Variants in GABRB1 observed in about 807,000 individuals in gnomAD.
GABRB1 encodes the protein gamma-aminobutyric acid type A receptor subunit beta1.
A neutral mutation model predicts 51.6 loss-of-function variants in GABRB1; 17 were observed. That is an observed-to-expected ratio of 0.33 (90% CI 0.23 to 0.49). The LOEUF (loss-of-function observed/expected upper bound fraction) is 0.49, where lower values mean the gene tolerates loss of function less well. Ranked by LOEUF, GABRB1 falls within the 20% of genes least tolerant of loss-of-function variation. The probability of loss-of-function intolerance (pLI) is 0.99; values close to 1 mark genes in which losing one functional copy is unlikely to be tolerated. For missense variants in GABRB1, 410 were observed against 600.6 expected (o/e 0.68, Z 3.32); for synonymous variants, 247 against 218.9 (o/e 1.13, Z -1.14).
At chr4:47,259,186 C>T (rs1212690946) in intron 4 of GABRB1, among the ~76,000 whole-genome samples, 1 of 152,068 alleles carries the variant, frequency 6.6e-6, no homozygotes, top group Non-Finnish European at 1.5e-5. Flanking sequence ...AATTCACTTT[C>T]AGCCACAAAC....
At chr4:47,311,733 G>A (rs1220197667) in intron 4 of GABRB1, among the ~76,000 whole-genome samples, 1 of 152,188 alleles carries the variant, frequency 6.6e-6, no homozygotes, top group Non-Finnish European at 1.5e-5. Flanking sequence ...ACAGTAGCAA[G>A]AGGAAACTAA....
intron 7 of GABRB1, 134 bp from the exon 8 acceptor site, chr4:47,406,544 TGCCC>T: frequency 1.0e-6 from 1 of 976,528 alleles, no homozygotes; most frequent in Admixed American, 2.3e-5. Context: ...CTGCCCTTTT[TGCCC>T]AATGGTTTAT....
At chr4:47,160,120 T>C (rs1717873910) in intron 3 of GABRB1, among the ~76,000 whole-genome samples, 1 of 152,122 alleles carries the variant, frequency 6.6e-6, no homozygotes, top group Non-Finnish European at 1.5e-5. Flanking sequence ...TTCCAGCAAC[T>C]TGAGCCATTT....
chr4:47,063,969 A>C (rs1299931146), intron 3 of GABRB1, among the ~76,000 whole-genome samples: 2 of 152,196 alleles, frequency 1.3e-5, no homozygotes, highest in African/African-American at 4.8e-5. Flanking sequence ...TGTGAGGTGC[A>C]GCAAACCACC....
At chr4:47,172,655 T>C (rs1718488946) in intron 4 of GABRB1, among the ~76,000 whole-genome samples, 1 of 145,078 alleles carries the variant, frequency 6.9e-6, no homozygotes, top group Non-Finnish European at 1.5e-5. Context: ...TTTTTTTTTT[T>C]TTTTGAGATG....
chr4:47,243,703 T>G (rs941884705), intron 4 of GABRB1, among the ~76,000 whole-genome samples: 3 of 152,244 alleles, frequency 2.0e-5, no homozygotes, highest in South Asian at 4.1e-4. Context: ...TTGGTGTAGA[T>G]GAATGCTTGT....
chr4:47,404,948 G>T (rs1479201186), intron 7 of GABRB1, among the ~76,000 whole-genome samples: 1 of 152,126 alleles, frequency 6.6e-6, no homozygotes, highest in Non-Finnish European at 1.5e-5. Context: ...AGTATATAAA[G>T]GTGCTTGTTT....
At chr4:47,164,943 G>C (rs1329965776) in intron 4 of GABRB1, among the ~76,000 whole-genome samples, 1 of 151,920 alleles carries the variant, frequency 6.6e-6, no homozygotes, top group African/African-American at 2.4e-5. Flanking sequence ...GTGACAAAAC[G>C]TATTACACAA....
intron 1 of GABRB1, 29 bp downstream of exon 1, chr4:47,031,760 C>G (rs200020355): frequency 1.0e-5 from 16 of 1,565,390 alleles, no homozygotes; most frequent in Non-Finnish European, 1.4e-5. Context: ...ATCTCGCTCT[C>G]TCTCTCTCTC....
intron 5 of GABRB1, among the ~76,000 whole-genome samples, chr4:47,335,752 C>T (rs559635721): frequency 1.1e-4 from 16 of 152,066 alleles, no homozygotes; most frequent in Non-Finnish European, 2.4e-4. Context: ...ATGATGATAG[C>T]ATGACTAGAA....
intron 3 of GABRB1, among the ~76,000 whole-genome samples, chr4:47,087,123 G>A (rs1221778658): frequency 2.6e-5 from 4 of 152,156 alleles, no homozygotes; most frequent in African/African-American, 9.7e-5. Context: ...ATTCTCCTCA[G>A]AGAGTTTATA....
chr4:47,422,457 C>CGG (rs1729119470), intron 8 of GABRB1, among the ~76,000 whole-genome samples: 2 of 152,202 alleles, frequency 1.3e-5, no homozygotes, highest in Non-Finnish European at 2.9e-5. Flanking sequence ...CCAGGTTCTG[C>CGG]TTCAGCTCTT....
chr4:47,339,251 G>A (rs529646558), intron 5 of GABRB1, among the ~76,000 whole-genome samples: 1 of 152,248 alleles, frequency 6.6e-6, no homozygotes, highest in Non-Finnish European at 1.5e-5. Context: ...ATTCTGTTTT[G>A]GATAGGGAAG....
chr4:47,380,197 G>A (rs977522211), intron 5 of GABRB1, among the ~76,000 whole-genome samples: 3 of 152,248 alleles, frequency 2.0e-5, no homozygotes, highest in African/African-American at 7.2e-5. Flanking sequence ...ACTTGCCTCA[G>A]AATTAAAGGT....
At chr4:47,128,858 C>T (rs1158263390) in intron 3 of GABRB1, among the ~76,000 whole-genome samples, 3 of 152,016 alleles carry the variant, frequency 2.0e-5, no homozygotes, top group African/African-American at 7.2e-5. Context: ...GTCTGTATCA[C>T]ACCACCCTGA....
chr4:47,219,963 C>A (rs1047766423), intron 4 of GABRB1, among the ~76,000 whole-genome samples: 10 of 151,906 alleles, frequency 6.6e-5, no homozygotes, highest in African/African-American at 1.9e-4. Flanking sequence ...TTGAACTCAT[C>A]AGAAGTTTAG....
chr4:47,358,106 C>G (rs1409199371), intron 5 of GABRB1, among the ~76,000 whole-genome samples: 3 of 152,016 alleles, frequency 2.0e-5, no homozygotes, highest in African/African-American at 7.2e-5. Context: ...AGACACATTC[C>G]TAGAAAATGG....
At chr4:47,206,384 T>C (rs571081552) in intron 4 of GABRB1, among the ~76,000 whole-genome samples, 45 of 152,192 alleles carry the variant, frequency 3.0e-4, no homozygotes, top group Non-Finnish European at 5.4e-4. Flanking sequence ...TCTTTAAATA[T>C]ACAATGATCT....
intron 4 of GABRB1, among the ~76,000 whole-genome samples, chr4:47,230,963 G>T (rs747531143): frequency 3.3e-5 from 5 of 152,120 alleles, no homozygotes; most frequent in Non-Finnish European, 2.9e-5. Flanking sequence ...TTGCAGTTCA[G>T]TACTCAATAT....
Sources: gnomAD v4.1 joint callset for allele counts (sites outside exome capture counted in the v4.1 genomes callset) on GRCh38, gnomAD v4.1.1 for gene constraint, MANE v1.5 for transcripts, NCBI Gene and HGNC (gene_info 2026-07-23, HGNC 2026-07-21) for gene names.